Variants in OLFM3 observed in about 807,000 individuals in gnomAD.
OLFM3 encodes noelin-3.
OLFM3 carries 20 observed loss-of-function variants against 48.6 expected under a neutral mutation model. The observed-to-expected ratio is 0.41, with a 90% CI of 0.29 to 0.60. The LOEUF (loss-of-function observed/expected upper bound fraction) is 0.60. Ranked by LOEUF, OLFM3 falls within the 20% of genes least tolerant of loss-of-function variation. The pLI, the probability that OLFM3 is intolerant of heterozygous loss-of-function variation, is 0.28. For synonymous variants in OLFM3, 222 were observed against 198.1 expected (o/e 1.12, Z -1.01); for missense variants, 437 against 544.3 (o/e 0.80, Z 1.96).
intron 1 of OLFM3, among the ~76,000 whole-genome samples, chr1:101,872,599 A>T (rs1657124220): frequency 6.6e-6 from 1 of 152,006 alleles, no homozygotes; most frequent in South Asian, 2.1e-4. Flanking sequence ...CCCTGGAAAG[A>T]TCTCAGTTGT....
chr1:101,817,574 G>A (rs937099387), intron 4 of OLFM3, among the ~76,000 whole-genome samples: 4 of 152,116 alleles, frequency 2.6e-5, no homozygotes, highest in South Asian at 2.1e-4. Context: ...TTGGACTAAC[G>A]AAGTGTAAAA....
intron 3 of OLFM3, among the ~76,000 whole-genome samples, chr1:101,827,795 A>T (rs1654932979): frequency 6.6e-6 from 1 of 152,120 alleles, no homozygotes; most frequent in Non-Finnish European, 1.5e-5. Flanking sequence ...TGCATATTAG[A>T]TATACGACTC....
intron 1 of OLFM3, among the ~76,000 whole-genome samples, chr1:101,965,694 T>G (rs554339448): frequency 1.1e-3 from 165 of 152,308 alleles, no homozygotes; most frequent in African/African-American, 3.8e-3. Flanking sequence ...CACAACACAT[T>G]TATTTATAGT....
chr1:101,837,900 T>A (rs1329400066), intron 1 of OLFM3: 1 of 152,228 alleles, frequency 6.6e-6, no homozygotes, highest in Non-Finnish European at 1.5e-5. Flanking sequence ...GATTTCTACC[T>A]GTTGTGAAGA....
At chr1:101,939,896 C>T (rs1477978438) in intron 1 of OLFM3, among the ~76,000 whole-genome samples, 3 of 152,108 alleles carry the variant, frequency 2.0e-5, no homozygotes, top group Admixed American at 6.6e-5. Context: ...ATAGCCTCTA[C>T]CCACACAGTG....
intron 1 of OLFM3, among the ~76,000 whole-genome samples, chr1:101,979,508 C>T (rs984655521): frequency 2.0e-5 from 3 of 152,192 alleles, no homozygotes; most frequent in Admixed American, 1.3e-4. Context: ...CCTGCTTTCA[C>T]TAACTTCATC....
chr1:101,996,281 A>T (rs1022812844), intron 1 of OLFM3, among the ~76,000 whole-genome samples: 2 of 152,158 alleles, frequency 1.3e-5, no homozygotes, highest in African/African-American at 2.4e-5. Context: ...AATGTTTTGG[A>T]CACAAACCGC....
intron 1 of OLFM3, among the ~76,000 whole-genome samples, chr1:101,917,425 T>C (rs1222797106): frequency 1.3e-5 from 2 of 152,012 alleles, no homozygotes; most frequent in African/African-American, 4.8e-5. Context: ...GCCATATATA[T>C]ATATATTTTG....
At chr1:101,954,039 T>C (rs1435836718) in intron 1 of OLFM3, among the ~76,000 whole-genome samples, 1 of 152,146 alleles carries the variant, frequency 6.6e-6, no homozygotes. Context: ...ACGGTGCTAA[T>C]ACTTTATTTT....
intron 4 of OLFM3, among the ~76,000 whole-genome samples, chr1:101,817,630 C>T (rs941561064): frequency 6.6e-6 from 1 of 150,480 alleles, no homozygotes; most frequent in Non-Finnish European, 1.5e-5. Context: ...ATAATTATTT[C>T]TTATATAATT....
chr1:101,940,127 G>A (rs530118983), intron 1 of OLFM3, among the ~76,000 whole-genome samples: 35 of 152,238 alleles, frequency 2.3e-4, no homozygotes, highest in Admixed American at 6.5e-4. Context: ...TGATGGGCAA[G>A]TGCATGCATT....
chr1:101,951,178 G>A (rs1414212172), intron 1 of OLFM3, among the ~76,000 whole-genome samples: 1 of 152,086 alleles, frequency 6.6e-6, no homozygotes, highest in Non-Finnish European at 1.5e-5. Flanking sequence ...CGTTTCACCT[G>A]ACAAAAATTA....
rs759998723 is a variant in OLFM3 at position 101,964,486 on chromosome 1, G to A, written c.69+32262C>T. Reference sequence around the variant, plus strand: ...CTGAGAGTAAAAAATTCAATTGAAAGTGCAGTGTGTTTTAAAATATTCAGC... The same window carrying A: ...CTGAGAGTAAAAAATTCAATTGAAAATGCAGTGTGTTTTAAAATATTCAGC... On this transcript the variant is annotated intron_variant, in intron 1 of 5. Transcript: ENST00000370103. Among the ~76,000 whole-genome samples the A allele has an allele frequency of 9.9e-5, 15 of 152,256 alleles. 1 individual carries two copies. Among genetic ancestry groups the A allele is most frequent in the South Asian group, 6.2e-4 (3 of 4,830 alleles).
intron 5 of OLFM3, 109 bp downstream of exon 5, chr1:101,805,967 C>T (rs1229671165): frequency 3.1e-6 from 2 of 645,948 alleles, no homozygotes; most frequent in Non-Finnish European, 5.2e-6. Context: ...AAATTATGTA[C>T]CAGTTTTCAA....
intron 1 of OLFM3, among the ~76,000 whole-genome samples, chr1:101,906,117 T>C (rs777731555): frequency 2.0e-5 from 3 of 152,168 alleles, no homozygotes; most frequent in Admixed American, 6.6e-5. Flanking sequence ...AGATGTTTCC[T>C]TGACTAATAA....
chr1:101,993,758 A>AT (rs576616952), intron 1 of OLFM3, among the ~76,000 whole-genome samples: 1 of 152,018 alleles, frequency 6.6e-6, no homozygotes, highest in Non-Finnish European at 1.5e-5. Context: ...AATCTTGCCA[A>AT]TTTTTTGATA....
intron 1 of OLFM3, among the ~76,000 whole-genome samples, chr1:101,861,226 C>T (rs1286140882): frequency 6.6e-6 from 1 of 151,818 alleles, no homozygotes; most frequent in Non-Finnish European, 1.5e-5. Flanking sequence ...AGCACCTGGA[C>T]AATTTTTGTA....
chr1:101,846,814 C>A, intron 1 of OLFM3: 1 of 1,553,094 alleles, frequency 6.4e-7, no homozygotes, highest in South Asian at 1.1e-5. Context: ...ACTTACTTCT[C>A]AAGATGGCCA....
At chr1:101,931,812 C>A (rs569631206) in intron 1 of OLFM3, among the ~76,000 whole-genome samples, 1 of 152,224 alleles carries the variant, frequency 6.6e-6, no homozygotes, top group Admixed American at 6.5e-5. Flanking sequence ...ATCTTACAGG[C>A]ACAAGAATCT....
Sources: gnomAD v4.1 joint callset for allele counts (sites outside exome capture counted in the v4.1 genomes callset) on GRCh38, gnomAD v4.1.1 for gene constraint, MANE v1.5 for transcripts, NCBI Gene and HGNC (gene_info 2026-07-23, HGNC 2026-07-21) for gene names.